CTNNA2: variants seen among roughly 807,000 people sequenced by gnomAD.
The protein encoded by CTNNA2 is catenin alpha 2.
CTNNA2 carries 42 observed loss-of-function variants against 101.0 expected under a neutral mutation model. The observed-to-expected ratio is 0.42, with a 90% CI of 0.32 to 0.54. The LOEUF (loss-of-function observed/expected upper bound fraction) is 0.54. Ranked by LOEUF, CTNNA2 falls within the 20% of genes least tolerant of loss-of-function variation. CTNNA2 has a pLI of 0.14. For synonymous variants in CTNNA2, 450 were observed against 456.4 expected, an observed-to-expected ratio of 0.99 and a Z score of 0.18; for missense variants, 871 against 1,223.1, an observed-to-expected ratio of 0.71 and a Z score of 4.29.
At chr2:79,578,883 A>G (rs1330832504) in intron 1 of CTNNA2, among the ~76,000 whole-genome samples, 1 of 152,048 alleles carries the variant, frequency 6.6e-6, no homozygotes, top group Admixed American at 6.5e-5. Flanking sequence ...TCTAAATAGT[A>G]TATATCTGTT....
chr2:80,371,067 G>A (rs925749756), intron 7 of CTNNA2, among the ~76,000 whole-genome samples: 2 of 152,142 alleles, frequency 1.3e-5, no homozygotes, highest in South Asian at 2.1e-4. Flanking sequence ...TATCTTCAGA[G>A]TTAAGAATGT....
chr2:79,737,417 A>C (rs980453360), intron 2 of CTNNA2, among the ~76,000 whole-genome samples: 7 of 152,060 alleles, frequency 4.6e-5, no homozygotes, highest in African/African-American at 1.7e-4. Context: ...TCCTAGATAA[A>C]TGTTTCTGCA....
rs543718580 is a variant in CTNNA2, at chr2:80,635,946, T to A, written c.2575-11639T>A. Among the ~76,000 whole-genome samples, 143 of 149,274 alleles carry A rather than the reference T, an allele frequency of 9.6e-4. 1 individual carries two copies. The highest frequency in any genetic ancestry group is 3.2e-3 in the African/African-American group (130 of 40,820). On this transcript the variant is annotated intron_variant, in intron 18 of 18. Coordinates refer to ENST00000402739, the MANE Select transcript of CTNNA2 (RefSeq NM_001282597.3). The stretch of plus-strand genomic sequence containing the variant: ...AAAGGGCTTAGAGTATTGACAAGTA[T>A]GGGTTGTCTTAAGGATGCCCATTGC...
chr2:80,585,732 T>C (rs1236582536), intron 14 of CTNNA2, among the ~76,000 whole-genome samples: 1 of 152,220 alleles, frequency 6.6e-6, no homozygotes, highest in Non-Finnish European at 1.5e-5. Context: ...ATGTGTTGAA[T>C]TCTAATTTGA....
At position 80,302,207 on chromosome 2, in the gene CTNNA2, C is replaced by T. The variant is rs1276694404; in HGVS notation, c.1057-91004C>T. On this transcript the variant is annotated intron_variant, in intron 7 of 18. Transcript: ENST00000402739. This position sits in a 1 kb window ranked among gnomAD's most constrained non-coding sequence, Gnocchi z 6.4. ...GTGCCCGCCGGCCCGTCCCGGCTGC[C>T]CAGGCGTATTTGGTAGCGCATGGGT... The T allele has an allele frequency of 6.3e-7, 1 of 1,582,034 alleles. No individual in the cohort carries two copies. Among genetic ancestry groups the T allele is most frequent in the South Asian group, 1.2e-5 (1 of 84,946 alleles).
intron 7 of CTNNA2, among the ~76,000 whole-genome samples, chr2:80,331,511 A>G (rs530119924): frequency 6.6e-6 from 1 of 152,220 alleles, no homozygotes; most frequent in South Asian, 2.1e-4. Context: ...CTTATTGGAG[A>G]GGACCATAAT....
chr2:79,584,423 A>G (rs999042869), intron 1 of CTNNA2, among the ~76,000 whole-genome samples: 1 of 151,528 alleles, frequency 6.6e-6, no homozygotes, highest in Non-Finnish European at 1.5e-5. Context: ...TTTTTAATAT[A>G]TTCAGTGTGT....
intron 17 of CTNNA2, chr2:80,616,613 C>A (rs1698876633): frequency 6.6e-6 from 1 of 151,666 alleles, no homozygotes; most frequent in Admixed American, 6.6e-5. Flanking sequence ...GTCTTGACTA[C>A]TGAAATCTTG....
At chr2:79,873,554 C>G (rs1472325731) in intron 5 of CTNNA2, among the ~76,000 whole-genome samples, 2 of 152,090 alleles carry the variant, frequency 1.3e-5, no homozygotes, top group African/African-American at 4.8e-5. Context: ...CAGTGGAGCC[C>G]TGTCAGGTGA....
chr2:80,565,087 C>A (rs1252316726), intron 12 of CTNNA2, among the ~76,000 whole-genome samples: 2 of 152,024 alleles, frequency 1.3e-5, no homozygotes, highest in Admixed American at 6.6e-5. Flanking sequence ...GAAATAGTTT[C>A]AAGAGAATAT....
At chr2:80,270,286 G>C (rs565555130) in intron 7 of CTNNA2, among the ~76,000 whole-genome samples, 70 of 152,032 alleles carry the variant, frequency 4.6e-4, no homozygotes, top group Admixed American at 1.2e-3. Flanking sequence ...ATTTTTTTAG[G>C]GATTTTTTTC....
chr2:79,771,032 C>T (rs886612486), intron 3 of CTNNA2, among the ~76,000 whole-genome samples: 6 of 152,196 alleles, frequency 3.9e-5, no homozygotes, highest in African/African-American at 1.2e-4. Context: ...AATTTCTAAT[C>T]ACAGCCTATT....
intron 1 of CTNNA2, among the ~76,000 whole-genome samples, chr2:79,532,714 T>C (rs773883175): frequency 2.0e-5 from 3 of 152,150 alleles, no homozygotes; most frequent in Non-Finnish European, 4.4e-5. Flanking sequence ...TCTCTCAGTC[T>C]CTGTCTCTGT....
chr2:79,675,373 G>T (rs1454964678), intron 2 of CTNNA2, among the ~76,000 whole-genome samples: 1 of 152,134 alleles, frequency 6.6e-6, no homozygotes, highest in African/African-American at 2.4e-5. Flanking sequence ...TAGGATTCTG[G>T]TAAAGAGGGT....
chr2:79,758,484 G>C (rs1672548182), intron 3 of CTNNA2, among the ~76,000 whole-genome samples: 1 of 152,146 alleles, frequency 6.6e-6, no homozygotes, highest in African/African-American at 2.4e-5. Flanking sequence ...TGCCTTCACA[G>C]GTTTGTTACC....
chr2:80,610,595 T>G (rs1291388395), intron 17 of CTNNA2, among the ~76,000 whole-genome samples: 4 of 151,740 alleles, frequency 2.6e-5, no homozygotes, highest in Non-Finnish European at 5.9e-5. Flanking sequence ...AAGTTACATT[T>G]GTTAGAAGTC....
intron 2 of CTNNA2, among the ~76,000 whole-genome samples, chr2:79,684,718 A>G (rs1683818011): frequency 6.6e-6 from 1 of 152,178 alleles, no homozygotes; most frequent in African/African-American, 2.4e-5. Context: ...GGCATAGGGG[A>G]GTTTGGACCA....
intron 9 of CTNNA2, among the ~76,000 whole-genome samples, chr2:80,502,909 G>A (rs1463276158): frequency 3.3e-5 from 5 of 152,210 alleles, no homozygotes; most frequent in African/African-American, 1.2e-4. Context: ...GCTTATGCCT[G>A]TAATCCCAGC....
In CTNNA2 at chr2:79,932,332, G is replaced by A. The variant is rs562931339; in HGVS notation, c.1056+22535G>A. ...CAGATAAAAGGGAAAGAGGAGCAGG[G>A]GAGAAAGCTAACTGTGTGATGGAGA... On this transcript the variant is annotated intron_variant, in intron 7 of 18. Coordinates refer to ENST00000402739, the MANE Select transcript of CTNNA2 (RefSeq NM_001282597.3). Among the ~76,000 whole-genome samples, 6 of 152,276 alleles carry A rather than the reference G, an allele frequency of 3.9e-5. No homozygotes were observed. In the East Asian group the frequency reaches 7.7e-4, roughly 20 times the overall value.
Sources: allele counts gnomAD v4.1 joint callset (sites outside exome capture counted in the v4.1 genomes callset), GRCh38; gene constraint gnomAD v4.1.1; non-coding constraint Gnocchi (gnomAD v3.1); transcripts MANE v1.5; gene names NCBI Gene and HGNC (gene_info 2026-07-23, HGNC 2026-07-21).